ROR1: variants seen among roughly 807,000 people sequenced by gnomAD.
The protein encoded by ROR1 is inactive tyrosine-protein kinase transmembrane receptor ROR1.
Under a neutral mutation model 78.8 loss-of-function variants are expected in ROR1, and 19 were observed. That is an observed-to-expected ratio of 0.24 (90% confidence interval 0.17 to 0.35). ROR1 has a LOEUF of 0.35. ROR1 is among the 10% of genes least tolerant of loss of function. The pLI is 1.00. For missense variants in ROR1, 917 were observed against 1,177.8 expected, an observed-to-expected ratio of 0.78 and a Z score of 3.24; for synonymous variants, 386 against 433.6, an observed-to-expected ratio of 0.89 and a Z score of 1.36.
intron 1 of ROR1, among the ~76,000 whole-genome samples, chr1:63,977,786 C>T (rs1340477923): frequency 1.3e-5 from 2 of 152,190 alleles, no homozygotes; most frequent in Admixed American, 6.5e-5. Context: ...CAGAGAGACA[C>T]AATTTGACTT....
intron 1 of ROR1, among the ~76,000 whole-genome samples, chr1:63,851,381 G>A (rs922240312): frequency 2.0e-5 from 3 of 152,156 alleles, no homozygotes; most frequent in African/African-American, 7.2e-5. Flanking sequence ...CTTCTAAGTG[G>A]CGTTGACCCT....
chr1:63,916,203 G>T (rs944381089), intron 1 of ROR1, among the ~76,000 whole-genome samples: 3 of 152,050 alleles, frequency 2.0e-5, no homozygotes, highest in African/African-American at 7.2e-5. Flanking sequence ...TTTCCTCTTC[G>T]CATGAACAAT....
Position 63,774,568 on chromosome 1 carries a change from G to T in ROR1, c.91+60G>T. The T allele has an allele frequency of 1.1e-6, 1 of 876,024 alleles. No homozygotes were observed. Among genetic ancestry groups the T allele is most frequent in the Non-Finnish European group, 1.4e-6 (1 of 730,270 alleles). The allele number at this position is 876,024 out of a possible 1,614,324, so 54.3% of individuals were successfully genotyped here. On this transcript the variant is annotated intron_variant, in intron 1 of 8. Transcript: ENST00000371079. This position sits in a 1 kb window ranked among gnomAD's most constrained non-coding sequence, Gnocchi z 5.7. ...CCCCCTGACCCGTGGCCACCCTTCC[G>T]CCGTCCAGCCGGGCGCGGGACACGC...
At chr1:63,923,828 C>T (rs1413619195) in intron 1 of ROR1, among the ~76,000 whole-genome samples, 2 of 151,902 alleles carry the variant, frequency 1.3e-5, no homozygotes, top group African/African-American at 2.4e-5. Context: ...ACTTACCCAC[C>T]TCCACTGGAT....
At chr1:64,146,145 C>T (rs61765448) in intron 7 of ROR1, among the ~76,000 whole-genome samples, 26,616 of 152,164 alleles carry the variant, frequency 0.17, 3,243 homozygotes, top group East Asian at 0.51. Context: ...GGACTACAGG[C>T]ATGCACCACC....
chr1:63,855,339 C>T (rs1156375895), intron 1 of ROR1, among the ~76,000 whole-genome samples: 4 of 152,058 alleles, frequency 2.6e-5, no homozygotes, highest in Non-Finnish European at 5.9e-5. Context: ...AATTTGTTTT[C>T]CCATCAAGAT....
At chr1:63,885,857 A>G (rs1645353170) in intron 1 of ROR1, among the ~76,000 whole-genome samples, 1 of 152,158 alleles carries the variant, frequency 6.6e-6, no homozygotes, top group African/African-American at 2.4e-5. Flanking sequence ...TAGTTCTTCC[A>G]CAGTGGTGGG....
chr1:63,976,204 T>C (rs1646159670), intron 1 of ROR1, among the ~76,000 whole-genome samples: 1 of 152,194 alleles, frequency 6.6e-6, no homozygotes, highest in African/African-American at 2.4e-5. Context: ...TTGGGTGATC[T>C]TGTCTAATTC....
chr1:63,983,263 T>A (rs1377123775), intron 1 of ROR1, among the ~76,000 whole-genome samples: 2 of 152,220 alleles, frequency 1.3e-5, no homozygotes, highest in Non-Finnish European at 2.9e-5. Context: ...AGTGTGATCA[T>A]CTGAATTGCT....
At chr1:63,941,526 A>C (rs1052932615) in intron 1 of ROR1, among the ~76,000 whole-genome samples, 1 of 152,206 alleles carries the variant, frequency 6.6e-6, no homozygotes, top group Non-Finnish European at 1.5e-5. Context: ...GCCACCACTT[A>C]GCTGTCTTAC....
intron 2 of ROR1, among the ~76,000 whole-genome samples, chr1:64,020,451 T>A (rs1646556041): frequency 6.6e-6 from 1 of 152,214 alleles, no homozygotes; most frequent in African/African-American, 2.4e-5. Context: ...TCCCTTTGGA[T>A]ACTCTACAAT....
intron 1 of ROR1, among the ~76,000 whole-genome samples, chr1:63,892,296 G>T (rs1182276300): frequency 6.6e-6 from 1 of 152,154 alleles, no homozygotes; most frequent in Admixed American, 6.5e-5. Flanking sequence ...ATCTGGGAGG[G>T]CAGAGGAGGC....
chr1:64,016,731 A>T (rs1646523289), intron 2 of ROR1, among the ~76,000 whole-genome samples: 1 of 141,772 alleles, frequency 7.1e-6, no homozygotes, highest in African/African-American at 2.7e-5. Context: ...CTTAAAATAT[A>T]ATTATATATA....
intron 1 of ROR1, among the ~76,000 whole-genome samples, chr1:63,895,177 G>A (rs747229920): frequency 6.6e-6 from 1 of 152,152 alleles, no homozygotes; most frequent in Non-Finnish European, 1.5e-5. Flanking sequence ...ATTTAATGGC[G>A]GGATAGTTGG....
intron 7 of ROR1, among the ~76,000 whole-genome samples, chr1:64,157,036 G>T (rs954367674): frequency 7.9e-5 from 12 of 152,162 alleles, no homozygotes; most frequent in Non-Finnish European, 1.5e-4. Context: ...TATAGAGTTG[G>T]TTGTGACATA....
At chr1:64,067,185 A>G (rs1569669412) in intron 4 of ROR1, among the ~76,000 whole-genome samples, 1 of 151,966 alleles carries the variant, frequency 6.6e-6, no homozygotes, top group East Asian at 1.9e-4. Context: ...CCTAGTCTCT[A>G]ATAAAAATAC....
rs191203745 is a variant in ROR1 at position 63,877,621 on chromosome 1, C to T, written c.91+103113C>T. Among the ~76,000 whole-genome samples the T allele has an allele frequency of 2.2e-4, 34 of 152,216 alleles. No homozygotes were observed. The East Asian group carries it at 6.2e-3, about 28-fold the overall frequency. ...AGGACAATAGAAATGTACAGGATGGCTGAAGACTCAGTAAGTAAATAGCAT... is the reference window on the plus strand; with the variant it reads ...AGGACAATAGAAATGTACAGGATGGTTGAAGACTCAGTAAGTAAATAGCAT... On this transcript the variant is annotated intron_variant, in intron 1 of 8. Coordinates refer to ENST00000371079, the MANE Select transcript of ROR1 (RefSeq NM_005012.4).
At chr1:64,002,794 T>C (rs939686898) in intron 1 of ROR1, among the ~76,000 whole-genome samples, 1 of 152,216 alleles carries the variant, frequency 6.6e-6, no homozygotes, top group African/African-American at 2.4e-5. Flanking sequence ...TTAGAATTGG[T>C]GAAACAAACA....
At chr1:63,926,098 G>A (rs1645700958) in intron 1 of ROR1, among the ~76,000 whole-genome samples, 2 of 152,188 alleles carry the variant, frequency 1.3e-5, no homozygotes, top group Admixed American at 1.3e-4. Flanking sequence ...CCATGCCTAA[G>A]TCCTGAATGG....
Sources: allele counts gnomAD v4.1 joint callset (sites outside exome capture counted in the v4.1 genomes callset), GRCh38; gene constraint gnomAD v4.1.1; non-coding constraint Gnocchi (gnomAD v3.1); transcripts MANE v1.5; gene names NCBI Gene and HGNC (gene_info 2026-07-23, HGNC 2026-07-21).